INTS4: variants seen among roughly 807,000 people sequenced by gnomAD.
The protein encoded by INTS4 is MSTP093.
INTS4 carries 70 observed loss-of-function variants against 119.5 expected under a neutral mutation model. That is an observed-to-expected ratio of 0.59 (90% CI 0.48 to 0.71). The LOEUF is 0.71. Among genes scored for constraint, INTS4 ranks in the 30% least tolerant of loss-of-function variants. The probability of loss-of-function intolerance (pLI) is 0.00; values close to 1 mark genes in which losing one functional copy is unlikely to be tolerated. For synonymous variants in INTS4, 316 were observed against 419.6 expected, an observed-to-expected ratio of 0.75 and a Z score of 3.02; for missense variants, 867 against 1,173.2, an observed-to-expected ratio of 0.74 and a Z score of 3.81.
chr11:77,964,134 A>G (rs1855378677), intron 4 of INTS4, among the ~76,000 whole-genome samples: 2 of 152,208 alleles, frequency 1.3e-5, no homozygotes, highest in Admixed American at 1.3e-4. Context: ...AACTACATCT[A>G]TTCATCTCTC....
chr11:77,919,333 C>T (rs1953282883), intron 14 of INTS4, among the ~76,000 whole-genome samples: 1 of 151,950 alleles, frequency 6.6e-6, no homozygotes, highest in South Asian at 2.1e-4. Flanking sequence ...CTCTTGTTGC[C>T]CAGAGTGCAA....
intron 11 of INTS4, among the ~76,000 whole-genome samples, chr11:77,925,416 T>G (rs751570896): frequency 2.0e-5 from 3 of 152,176 alleles, no homozygotes; most frequent in African/African-American, 7.2e-5. Context: ...AGTGAGCACA[T>G]GCTATTGGAA....
intron 5 of INTS4, 56 bp from the exon 6 acceptor site, chr11:77,960,447 T>C (rs1190988424): frequency 2.4e-5 from 30 of 1,264,078 alleles, no homozygotes; most frequent in African/African-American, 4.4e-5. Context: ...ATATTTCCAA[T>C]GTCTCCCCAC....
Position 77,918,951 on chromosome 11 carries a change from C to T in INTS4, c.1792G>A (p.Ala598Thr), listed in dbSNP as rs1953272429. The change falls in exon 15 of 23, where the codon GCT becomes ACT. Residue 598 changes from alanine to threonine, a missense_variant. Physicochemically the swap from Ala to Thr is moderately conservative, Grantham distance 58. Around this residue, in one of 5 missense-constraint regions of INTS4, gnomAD observed 262 missense variants for 376.0 expected, o/e 0.70. Transcript: ENST00000534064. ...RLPGRKLVSS[A>T]VSPSIIPQED... The stretch of plus-strand genomic sequence containing the variant: ...TGAGGTATGATGCTGGGAGAAACAG[C>T]TGATGACACCAGTTTTCTACCTGGT... 2.5e-6 allele frequency: 4 copies of T among 1,613,804 alleles called. No homozygotes were observed. Among genetic ancestry groups the T allele is most frequent in the Non-Finnish European group, 3.4e-6 (4 of 1,179,862 alleles).
intron 19 of INTS4, among the ~76,000 whole-genome samples, chr11:77,893,891 T>TTAAA (rs56269909): frequency 0.028 from 3,841 of 137,860 alleles, 88 homozygotes; most frequent in Non-Finnish European, 0.029. Context: ...AGACTCTGTC[T>TTAAA]TAAATAAATA....
At chr11:77,941,098 A>C in intron 9 of INTS4, 82 bp downstream of exon 9, 2 of 1,542,236 alleles carry the variant, frequency 1.3e-6, no homozygotes, top group Non-Finnish European at 1.7e-6. Flanking sequence ...AATGCTGCTA[A>C]GTTAAATCAA....
intron 21 of INTS4, among the ~76,000 whole-genome samples, chr11:77,889,518 C>T (rs1347387004): frequency 2.6e-5 from 4 of 151,948 alleles, no homozygotes; most frequent in Non-Finnish European, 4.4e-5. Flanking sequence ...GCACATTGTG[C>T]ACATGTACCC....
At chr11:77,894,104 A>G (rs1952403065) in intron 19 of INTS4, among the ~76,000 whole-genome samples, 186 bp downstream of exon 19, 1 of 152,172 alleles carries the variant, frequency 6.6e-6, no homozygotes, top group African/African-American at 2.4e-5. Context: ...TTTCTATAAC[A>G]TTAAGGAAAA....
intron 1 of INTS4, among the ~76,000 whole-genome samples, chr11:77,992,850 C>T (rs1856753307): frequency 1.3e-5 from 2 of 152,296 alleles, no homozygotes; most frequent in South Asian, 4.1e-4. Context: ...AAGTGCTAGG[C>T]ACATATCAGT....
rs568970363 is a variant in INTS4, at chr11:77,936,854, A to G, written c.1165+1797T>C. ...ATGCATGCGTAATGAAAGTCGCCAAAGGGCCTGTAGAGTCAGAGAAATTAA... is the reference window on the plus strand; with the variant it reads ...ATGCATGCGTAATGAAAGTCGCCAAGGGGCCTGTAGAGTCAGAGAAATTAA... On this transcript the variant is annotated intron_variant, in intron 10 of 22. Transcript: ENST00000534064. Among the ~76,000 whole-genome samples the G allele has an allele frequency of 2.0e-5, 3 of 152,292 alleles. No individual in the cohort carries two copies. The South Asian group carries it at 6.2e-4, about 32-fold the overall frequency.
intron 15 of INTS4, among the ~76,000 whole-genome samples, chr11:77,917,319 CTT>C (rs59309476): frequency 2.1e-5 from 3 of 145,036 alleles, no homozygotes; most frequent in Non-Finnish European, 1.5e-5. Flanking sequence ...TTCCTTCTTT[CTT>C]TTTTTTTTTT....
At chr11:77,920,801 G>A (rs375394626) in intron 14 of INTS4, among the ~76,000 whole-genome samples, 221 of 151,910 alleles carry the variant, frequency 1.5e-3, no homozygotes, top group Non-Finnish European at 2.5e-3. Context: ...GCAGTGAGCC[G>A]AGATCGTGCC....
intron 13 of INTS4, among the ~76,000 whole-genome samples, chr11:77,921,965 A>G (rs1341151621): frequency 6.6e-6 from 1 of 152,182 alleles, no homozygotes; most frequent in African/African-American, 2.4e-5. Context: ...CGGGAGGCGG[A>G]GGTTGCAGTG....
intron 18 of INTS4, chr11:77,900,727 G>T: frequency 1.5e-6 from 1 of 648,438 alleles, no homozygotes; most frequent in East Asian, 2.7e-5. Context: ...CAAAATATCT[G>T]ATTTCAGAGA....
At chr11:77,887,994 C>T (rs1048127520) in intron 21 of INTS4, among the ~76,000 whole-genome samples, 2 of 152,194 alleles carry the variant, frequency 1.3e-5, no homozygotes, top group Non-Finnish European at 2.9e-5. Flanking sequence ...AATGGCCATA[C>T]TGCCCAAGGT....
At chr11:77,894,371 T>G in intron 18 of INTS4, 22 bp from the exon 19 acceptor site, 1 of 1,442,290 alleles carries the variant, frequency 6.9e-7, no homozygotes, top group Non-Finnish European at 9.6e-7. Flanking sequence ...AAATGTAAAA[T>G]AATTTGCTTG....
intron 18 of INTS4, among the ~76,000 whole-genome samples, chr11:77,895,261 T>C (rs1952459753): frequency 6.6e-6 from 1 of 152,162 alleles, no homozygotes; most frequent in Non-Finnish European, 1.5e-5. Flanking sequence ...TTTTCTTTAA[T>C]ATATTATTCA....
intron 4 of INTS4, chr11:77,978,147 C>T (rs1215172399): frequency 6.6e-6 from 1 of 152,160 alleles, no homozygotes; most frequent in African/African-American, 2.4e-5. Context: ...CCACCTCTGC[C>T]TCCCAAAGTG....
chr11:77,975,254 C>T (rs947504531), intron 4 of INTS4, among the ~76,000 whole-genome samples: 7 of 151,934 alleles, frequency 4.6e-5, no homozygotes, highest in African/African-American at 1.5e-4. Context: ...TCTATAAGCA[C>T]TGCTTTAGCT....
Sources: gnomAD v4.1 joint callset for allele counts (sites outside exome capture counted in the v4.1 genomes callset) on GRCh38, gnomAD v4.1.1 for gene constraint, gnomAD v4.1.1 regional missense constraint, MANE v1.5 for transcripts, NCBI Gene and HGNC (gene_info 2026-07-23, HGNC 2026-07-21) for gene names.